Variants in DAZAP1 observed in about 807,000 individuals in gnomAD.
DAZAP1 encodes the protein DAZ associated protein 1.
DAZAP1 carries 6 observed loss-of-function variants against 60.1 expected under a neutral mutation model. The ratio of observed to expected loss-of-function variants is 0.10; its 90% CI spans 0.05 to 0.20. DAZAP1 has a LOEUF of 0.20. DAZAP1 is among the 10% of genes least tolerant of loss of function. The pLI is 1.00. For missense variants in DAZAP1, 366 were observed against 560.4 expected, an observed-to-expected ratio of 0.65 and a Z score of 3.50; for synonymous variants, 235 against 215.9, an observed-to-expected ratio of 1.09 and a Z score of -0.78.
In DAZAP1 at chr19:1,435,684, A is replaced by G. The variant is rs2083581368; in HGVS notation, c.*772A>G. 1 of 151,992 alleles carries G rather than the reference A, an allele frequency of 6.6e-6. No individual in the cohort carries two copies. Among genetic ancestry groups the G allele is most frequent in the Non-Finnish European group, 1.5e-5 (1 of 68,008 alleles). The allele number at this position is 151,992 out of a possible 1,614,324, so 9.4% of individuals were successfully genotyped here. A position where few individuals can be genotyped will look rare whatever the true frequency, so the allele number is the denominator to read the frequency against. On this transcript the variant is annotated 3_prime_UTR_variant, in exon 12 of 12. Transcript: ENST00000233078. ...AAAGAGAAGTGCGTTTGGATTAGAA[A>G]CCACTTTGTGTCCGTTTTTTCCCTC...
At position 1,415,353 on chromosome 19, in the gene DAZAP1, ATGTG is replaced by A. The variant is rs61360796; in HGVS notation, c.30-2113_30-2110del. ...GATTTGGTTTGGTTTTCAGGGTTTT[ATGTG>A]TGTGTGTGTGTGTGTGTGTGTGTGT... On this transcript the variant is annotated intron_variant, in intron 1 of 11. Transcript: ENST00000233078. 3.4e-3 allele frequency among the ~76,000 whole-genome samples: 375 copies of A among 109,404 alleles called. 5 individuals carry two copies. The highest frequency in any genetic ancestry group is 5.0e-3 in the African/African-American group (131 of 26,312). 71.8% of individuals were successfully genotyped at this position (109,404 alleles called of 152,430 possible).
At position 1,434,054 on chromosome 19, in the gene DAZAP1, G is replaced by A. The variant is rs1005332375; in HGVS notation, c.1049-683G>A. The A allele has an allele frequency of 1.6e-4, 91 of 571,800 alleles. No homozygotes were observed. Among genetic ancestry groups the A allele is most frequent in the Admixed American group, 5.6e-4 (18 of 32,344 alleles). The allele number at this position is 571,800 out of a possible 1,614,324, so 35.4% of individuals were successfully genotyped here. A position where few individuals can be genotyped will look rare whatever the true frequency, so the allele number is the denominator to read the frequency against. ...GCACCCGAATGGGAACCCAGAGGTC[G>A]TGGGAGGGGCTTCCTGCAAGGTGTG... On this transcript the variant is annotated intron_variant, in intron 11 of 11. Transcript: ENST00000233078. This position sits in a 1 kb window ranked among gnomAD's most constrained non-coding sequence, Gnocchi z 8.0.
chr19:1,408,060 C>G (rs1343839537), intron 1 of DAZAP1, among the ~76,000 whole-genome samples: 2 of 149,966 alleles, frequency 1.3e-5, no homozygotes, highest in East Asian at 4.0e-4. Flanking sequence ...CCTGAGGGGT[C>G]CGGGGGGCCC....
chr19:1,429,149 CTGACAG>C (rs2083378337), intron 8 of DAZAP1, among the ~76,000 whole-genome samples, 154 bp downstream of exon 8: 1 of 152,182 alleles, frequency 6.6e-6, no homozygotes, highest in South Asian at 2.1e-4. Flanking sequence ...GAGGTGCCGG[CTGACAG>C]CCAGCTCCCG....
chr19:1,414,375 C>T (rs2082913881), intron 1 of DAZAP1, among the ~76,000 whole-genome samples: 1 of 152,172 alleles, frequency 6.6e-6, no homozygotes, highest in African/African-American at 2.4e-5. Context: ...ATGCAGTCCC[C>T]TTTATGTGTA....
intron 6 of DAZAP1, among the ~76,000 whole-genome samples, chr19:1,424,273 GCTC>G (rs1209548864): frequency 6.6e-5 from 10 of 150,526 alleles, no homozygotes; most frequent in African/African-American, 2.5e-4. Flanking sequence ...TCCATCCTGC[GCTC>G]CTCTCGCTGT....
At chr19:1,408,526 G>C (rs987616450) in intron 1 of DAZAP1, among the ~76,000 whole-genome samples, 1 of 152,198 alleles carries the variant, frequency 6.6e-6, no homozygotes, top group Non-Finnish European at 1.5e-5. Context: ...CGGGCTCCCC[G>C]CTCCCATCCC....
rs1278514176 is a variant in DAZAP1, at chr19:1,433,745, G to C, written c.1049-992G>C. ...TGGTCTCGTCTCTTGCCAGGCCTGG[G>C]TTCCTATTCTCCAGCCCCGCCGGGC... On this transcript the variant is annotated intron_variant, in intron 11 of 11. Transcript: ENST00000233078. The surrounding 1 kb of genome is among the most constrained non-coding windows in gnomAD (Gnocchi z 6.1). The C allele has an allele frequency of 6.2e-7, 1 of 1,613,732 alleles. No homozygotes were observed. The highest frequency in any genetic ancestry group is 8.5e-7 in the Non-Finnish European group (1 of 1,179,788).
At chr19:1,429,910 C>G in intron 8 of DAZAP1, 57 bp from the exon 9 acceptor site, 1 of 1,551,222 alleles carries the variant, frequency 6.4e-7, no homozygotes, top group Non-Finnish European at 8.7e-7. Context: ...GGCTCCTTCT[C>G]TGCGTCGGAC....
chr19:1,422,041 C>T lies in DAZAP1; in HGVS notation c.415-307C>T, dbSNP rs543970416. On this transcript the variant is annotated intron_variant, in intron 5 of 11. Transcript: ENST00000233078. The surrounding 1 kb of genome is among the most constrained non-coding windows in gnomAD (Gnocchi z 4.5). ...CACGTCCCCTGCTAGGATGCGTGGT[C>T]GGCGTTGTTGGCCCTTCATGTCCGT... Among the ~76,000 whole-genome samples, 6 of 152,156 alleles carry T rather than the reference C, an allele frequency of 3.9e-5. No homozygotes were observed. The highest frequency in any genetic ancestry group is 1.3e-4 in the Admixed American group (2 of 15,276).
Position 1,430,350 on chromosome 19 carries a change from C to T in DAZAP1, c.859C>T (p.Pro287Ser). 2 of 1,525,116 alleles carry T rather than the reference C, an allele frequency of 1.3e-6. No individual in the cohort carries two copies. Among genetic ancestry groups the T allele is most frequent in the South Asian group, 1.3e-5 (1 of 75,084 alleles). 94.5% of individuals were successfully genotyped at this position (1,525,116 alleles called of 1,614,324 possible). A position where few individuals can be genotyped will look rare whatever the true frequency, so the allele number is the denominator to read the frequency against. Residue 287 changes from proline (P) to serine (S), a missense_variant, in exon 10 of 12, where the codon CCG becomes TCG. Transcript: ENST00000233078. ...PQGFPQGYGA[P>S]PQFSFGYGPP... ...GGGCTTCCCTCAGGGCTACGGTGCC[C>T]CGCCACAGTTCAGTAAGTCTAGGGG...
Position 1,434,589 on chromosome 19 carries a change from G to C in DAZAP1, c.1049-148G>C, listed in dbSNP as rs1410190766. 4 of 709,850 alleles carry C rather than the reference G, an allele frequency of 5.6e-6. No homozygotes were observed. The East Asian group carries it at 1.2e-4, about 21-fold the overall frequency. The allele number at this position is 709,850 out of a possible 1,614,324, so 44.0% of individuals were successfully genotyped here. ...TGCCCGGGGTCCTCTCCCCGGCCCA[G>C]GTGCTGGCCTCAGAAGGGCCCCACC... is the stretch of plus-strand genomic sequence containing the variant. On this transcript the variant is annotated intron_variant, in intron 11 of 11. Transcript: ENST00000233078. The surrounding 1 kb of genome is among the most constrained non-coding windows in gnomAD (Gnocchi z 8.0).
In DAZAP1 at chr19:1,407,619, A is replaced by AGCCGCAGCCGCCGCCGCC. The variant is rs1555778575; in HGVS notation, c.-150_-149insAGCCGCCGCCGCCGCCGC. The AGCCGCAGCCGCCGCCGCC allele has an allele frequency of 4.2e-6, 1 of 235,986 alleles. No homozygotes were observed. Among genetic ancestry groups the AGCCGCAGCCGCCGCCGCC allele is most frequent in the African/African-American group, 2.6e-5 (1 of 38,916 alleles). The allele number at this position is 235,986 out of a possible 1,614,324, so 14.6% of individuals were successfully genotyped here. A position where few individuals can be genotyped will look rare whatever the true frequency, so the allele number is the denominator to read the frequency against. ...ACCGTTGGCGCCGAGGGGAGGAGGCAGCCGCCGCCGCCGCCGCCGCCGCCG... is the reference window on the plus strand; with the variant it reads ...ACCGTTGGCGCCGAGGGGAGGAGGCAGCCGCAGCCGCCGCCGCCGCCGCCGCCGCCGCCGCCGCCGCCG... On this transcript the variant is annotated 5_prime_UTR_variant, in exon 1 of 12. Coordinates refer to ENST00000233078, the MANE Select transcript of DAZAP1 (RefSeq NM_018959.4).
Position 1,408,906 on chromosome 19 carries a change from A to G in DAZAP1, c.29+1104A>G, listed in dbSNP as rs181392562. ...TTGGGTTTCCTAGTGGTCTGGTGTA[A>G]ATTTCTCGGTGCCCTTAGCTTTGAG... On this transcript the variant is annotated intron_variant, in intron 1 of 11. Coordinates refer to ENST00000233078, the MANE Select transcript of DAZAP1 (RefSeq NM_018959.4). 5.4e-3 allele frequency among the ~76,000 whole-genome samples: 824 copies of G among 152,006 alleles called. 5 individuals are homozygous for G. Among genetic ancestry groups the G allele is most frequent in the Non-Finnish European group, 7.1e-3 (481 of 67,936 alleles).
In DAZAP1 at chr19:1,418,228, A is replaced by T. The variant is rs1302285322; in HGVS notation, c.95A>T (p.Gln32Leu). The change falls in exon 3 of 12, where the codon CAA becomes CTA. Residue 32 changes from glutamine to leucine, a missense_variant. Around this residue, in one of 3 missense-constraint regions of DAZAP1, gnomAD observed 98 missense variants for 155.3 expected, o/e 0.63. Coordinates refer to ENST00000233078, the MANE Select transcript of DAZAP1 (RefSeq NM_018959.4). The surrounding 1 kb of genome is among the most constrained non-coding windows in gnomAD (Gnocchi z 5.7). ...GAGACTCTGCGCAGCTACTTTTCCCAATATGGAGAAGTCGTAGATTGTGTT... is the reference window on the plus strand; with the variant it reads ...GAGACTCTGCGCAGCTACTTTTCCCTATATGGAGAAGTCGTAGATTGTGTT... ...TQETLRSYFS[Q>L]YGEVVDCVIM... is the part of the protein sequence containing the mutation. The T allele has an allele frequency of 6.8e-6, 11 of 1,614,060 alleles. No individual in the cohort carries two copies. The highest frequency in any genetic ancestry group is 9.3e-6 in the Non-Finnish European group (11 of 1,179,986).
chr19:1,412,990 A>G (rs532523306), intron 1 of DAZAP1, among the ~76,000 whole-genome samples: 2 of 152,160 alleles, frequency 1.3e-5, no homozygotes, highest in Non-Finnish European at 2.9e-5. Flanking sequence ...AGGAGCCACG[A>G]CTTCCAGTGT....
Position 1,426,268 on chromosome 19 carries a change from A to C in DAZAP1, c.546+308A>C, listed in dbSNP as rs1600230827. 1.4e-5 allele frequency: 5 copies of C among 366,296 alleles called. No homozygotes were observed. The highest frequency in any genetic ancestry group is 2.7e-5 in the South Asian group (1 of 36,908). 22.7% of individuals were successfully genotyped at this position (366,296 alleles called of 1,614,324 possible). On this transcript the variant is annotated intron_variant, in intron 7 of 11. Coordinates refer to ENST00000233078, the MANE Select transcript of DAZAP1 (RefSeq NM_018959.4). This position sits in a 1 kb window ranked among gnomAD's most constrained non-coding sequence, Gnocchi z 5.4. ...CGGTGTTGGGGCTGGCTCCAGTGAAACCGCAGCGTTGCCTCAGGCTTGGTT... is the reference window on the plus strand; with the variant it reads ...CGGTGTTGGGGCTGGCTCCAGTGAACCCGCAGCGTTGCCTCAGGCTTGGTT...
At position 1,434,813 on chromosome 19, in the gene DAZAP1, T is replaced by TCCCTCCGTGCCAGGGTCGGGGGGC; in HGVS notation, c.1129_1152dup (p.Ser377_Pro384dup). 6.2e-7 allele frequency: 1 copy of TCCCTCCGTGCCAGGGTCGGGGGGC among 1,610,556 alleles called. No homozygotes were observed. Among genetic ancestry groups the TCCCTCCGTGCCAGGGTCGGGGGGC allele is most frequent in the South Asian group, 1.1e-5 (1 of 90,890 alleles). On this transcript the variant is annotated inframe_insertion, in exon 12 of 12. Transcript: ENST00000233078. This position sits in a 1 kb window ranked among gnomAD's most constrained non-coding sequence, Gnocchi z 8.0. Reference sequence around the variant, plus strand: ...GCCAGCAGCCTCCTTCCTACGGGGGTCCCTCCGTGCCAGGGTCGGGGGGCC... The same window carrying TCCCTCCGTGCCAGGGTCGGGGGGC: ...GCCAGCAGCCTCCTTCCTACGGGGGTCCCTCCGTGCCAGGGTCGGGGGGCCCCTCCGTGCCAGGGTCGGGGGGCC...
Position 1,432,233 on chromosome 19 carries a change from T to C in DAZAP1, c.872-281T>C. Reference sequence around the variant, plus strand: ...GTGAGGTTACTTGCTCCTTGAGTTCTTGTCTGAGGCCCACCTGGCGGCTGC... The same window carrying C: ...GTGAGGTTACTTGCTCCTTGAGTTCCTGTCTGAGGCCCACCTGGCGGCTGC... On this transcript the variant is annotated intron_variant, in intron 10 of 11. Coordinates refer to ENST00000233078, the MANE Select transcript of DAZAP1 (RefSeq NM_018959.4). The surrounding 1 kb of genome is among the most constrained non-coding windows in gnomAD (Gnocchi z 4.9). 1 of 517,254 alleles carries C rather than the reference T, an allele frequency of 1.9e-6. No homozygotes were observed. The highest frequency in any genetic ancestry group is 3.4e-6 in the Non-Finnish European group (1 of 290,342). The allele number at this position is 517,254 out of a possible 1,614,324, so 32.0% of individuals were successfully genotyped here.
Sources: gnomAD v4.1 joint callset for allele counts (sites outside exome capture counted in the v4.1 genomes callset) on GRCh38, gnomAD v4.1.1 for gene constraint, gnomAD v4.1.1 regional missense constraint, Gnocchi (gnomAD v3.1) non-coding constraint, MANE v1.5 for transcripts, NCBI Gene and HGNC (gene_info 2026-07-23, HGNC 2026-07-21) for gene names.